Variants in HEBP1 observed in about 807,000 individuals in gnomAD.
HEBP1 encodes heme binding protein 1.
A neutral mutation model predicts 20.4 loss-of-function variants in HEBP1; 13 were observed. That is an observed-to-expected ratio of 0.64 (90% CI 0.42 to 1.01). HEBP1 has a LOEUF of 1.01. Ranked by LOEUF, HEBP1 falls within the 50% of genes least tolerant of loss-of-function variation. HEBP1 has a pLI of 0.00. For synonymous variants in HEBP1, 92 were observed against 90.7 expected, an observed-to-expected ratio of 1.01 and a Z score of -0.08; for missense variants, 241 against 247.3, an observed-to-expected ratio of 0.97 and a Z score of 0.17.
chr12:12,992,586 A>G (rs1337749257), intron 1 of HEBP1, among the ~76,000 whole-genome samples: 1 of 152,298 alleles, frequency 6.6e-6, no homozygotes, highest in East Asian at 1.9e-4. Flanking sequence ...GCGCCAGACC[A>G]GGAATCATGA....
rs1385655318 is a variant in HEBP1, at chr12:12,989,775, G to GAAC, written c.79-361_79-360insGTT. Among the ~76,000 whole-genome samples, 45 of 113,394 alleles carry GAAC rather than the reference G, an allele frequency of 4.0e-4. No individual in the cohort carries two copies. The East Asian group carries it at 0.011, about 29-fold the overall frequency. The allele number at this position is 113,394 out of a possible 152,430, so 74.4% of individuals were successfully genotyped here. ...CAGGTTGGAAGATAAAGTTAAACAG[G>GAAC]AGATTCAGAAAAAAATACAGATAAA... On this transcript the variant is annotated intron_variant, in intron 1 of 3. Transcript: ENST00000014930.
intron 1 of HEBP1, among the ~76,000 whole-genome samples, chr12:12,999,046 C>T (rs1292860846): frequency 1.3e-5 from 2 of 152,228 alleles, no homozygotes; most frequent in South Asian, 4.1e-4. Context: ...GGACACTCCA[C>T]TGAGGTCCCC....
rs1258265580 is a variant in HEBP1 at position 12,975,109 on chromosome 12, T to C, written c.*199A>G. ...TGAGAAGGATGCTGCATATCTTGGC[T>C]GTATTATTTCCTACTGTGAGAAAAG... On this transcript the variant is annotated 3_prime_UTR_variant, in exon 4 of 4. Transcript: ENST00000014930. The C allele has an allele frequency of 1.2e-5, 6 of 497,676 alleles. No individual in the cohort carries two copies. Among genetic ancestry groups the C allele is most frequent in the East Asian group, 1.1e-4 (3 of 26,618 alleles). 30.8% of individuals were successfully genotyped at this position (497,676 alleles called of 1,614,324 possible).
intron 2 of HEBP1, among the ~76,000 whole-genome samples, chr12:12,987,889 G>A (rs1864174351): frequency 6.6e-6 from 1 of 152,074 alleles, no homozygotes; most frequent in Non-Finnish European, 1.5e-5. Context: ...GCCCATCTTG[G>A]CCTCCCAAAG....
chr12:12,997,028 T>A (rs1026251421), intron 1 of HEBP1, among the ~76,000 whole-genome samples: 3 of 152,334 alleles, frequency 2.0e-5, no homozygotes. Context: ...TTACAAAATG[T>A]TTTCATGGTT....
chr12:12,995,081 C>T (rs1864274701), intron 1 of HEBP1, among the ~76,000 whole-genome samples: 1 of 152,174 alleles, frequency 6.6e-6, no homozygotes, highest in African/African-American at 2.4e-5. Flanking sequence ...ATTTCCACGC[C>T]AGGGCCTCTG....
At chr12:12,985,705 T>C (rs890579429) in intron 3 of HEBP1, 3 of 152,018 alleles carry the variant, frequency 2.0e-5, no homozygotes, top group Admixed American at 1.3e-4. Context: ...TCTTAGTAAA[T>C]ACTGAAAGAT....
rs184951219 is a variant in HEBP1 at position 12,988,814 on chromosome 12, A to C, written c.217+463T>G. On this transcript the variant is annotated intron_variant, in intron 2 of 3. Transcript: ENST00000014930. ...TTCTCAGACCCTTCATTTGCCAGAC[A>C]GGGTCTGGAACCTCACTGCTCACTG... Among the ~76,000 whole-genome samples the C allele has an allele frequency of 3.4e-3, 523 of 152,282 alleles. 3 individuals are homozygous for C. Among genetic ancestry groups the C allele is most frequent in the African/African-American group, 0.011 (451 of 41,552 alleles).
At chr12:12,980,964 G>A (rs1864073783) in intron 3 of HEBP1, among the ~76,000 whole-genome samples, 1 of 152,256 alleles carries the variant, frequency 6.6e-6, no homozygotes, top group Admixed American at 6.5e-5. Context: ...TCTGAGCAAA[G>A]ACAGGCGATG....
At chr12:12,999,669 T>C (rs1864330452) in intron 1 of HEBP1, among the ~76,000 whole-genome samples, 1 of 152,266 alleles carries the variant, frequency 6.6e-6, no homozygotes, top group Non-Finnish European at 1.5e-5. Context: ...TGGGAGTTTC[T>C]TGCGACACTC....
Position 12,996,767 on chromosome 12 carries a change from C to T in HEBP1, c.78+3270G>A, listed in dbSNP as rs760184955. Among the ~76,000 whole-genome samples, 43 of 152,116 alleles carry T rather than the reference C, an allele frequency of 2.8e-4. No homozygotes were observed. Among genetic ancestry groups the T allele is most frequent in the Non-Finnish European group, 7.4e-5 (5 of 68,016 alleles). ...CTCACGGGATGTTAAGTAATTTACC[C>T]AAACTTTACTGTAAAACTACAGTAA... On this transcript the variant is annotated intron_variant, in intron 1 of 3. Transcript: ENST00000014930. The surrounding 1 kb of genome is among the most constrained non-coding windows in gnomAD (Gnocchi z 4.1).
At chr12:12,999,984 G>T in intron 1 of HEBP1, 53 bp downstream of exon 1, 1 of 1,288,084 alleles carries the variant, frequency 7.8e-7, no homozygotes, top group Non-Finnish European at 1.1e-6. Context: ...CCCGACGAGG[G>T]TGGGGGTGGG....
intron 1 of HEBP1, among the ~76,000 whole-genome samples, chr12:12,997,810 C>T (rs375125685): frequency 6.6e-6 from 1 of 152,210 alleles, no homozygotes; most frequent in Non-Finnish European, 1.5e-5. Flanking sequence ...CATTCCATGA[C>T]AAAAGCAAGA....
intron 2 of HEBP1, among the ~76,000 whole-genome samples, chr12:12,987,590 T>TCTCTC (rs1592403807): frequency 2.1e-4 from 28 of 133,210 alleles, no homozygotes; most frequent in African/African-American, 4.6e-4. Context: ...ATCAGTCTCT[T>TCTCTC]TCTCTCTCTC....
chr12:12,996,374 C>G lies in HEBP1; in HGVS notation c.78+3663G>C, dbSNP rs1367294068. Among the ~76,000 whole-genome samples, 1 of 152,178 alleles carries G rather than the reference C, an allele frequency of 6.6e-6. No individual in the cohort carries two copies. The highest frequency in any genetic ancestry group is 2.4e-5 in the African/African-American group (1 of 41,432). ...TCTGCTGTGAGCATCCAAAGGCCCACCCAATCCAACACAGAGAGCTGTCTA... is the reference window on the plus strand; with the variant it reads ...TCTGCTGTGAGCATCCAAAGGCCCAGCCAATCCAACACAGAGAGCTGTCTA... On this transcript the variant is annotated intron_variant, in intron 1 of 3. Coordinates refer to ENST00000014930, the MANE Select transcript of HEBP1 (RefSeq NM_015987.5). This position sits in a 1 kb window ranked among gnomAD's most constrained non-coding sequence, Gnocchi z 4.1.
intron 3 of HEBP1, among the ~76,000 whole-genome samples, chr12:12,982,016 T>A (rs556042314): frequency 6.6e-6 from 1 of 152,246 alleles, no homozygotes; most frequent in East Asian, 1.9e-4. Flanking sequence ...AGAGACGGGG[T>A]CTCATTATGT....
intron 3 of HEBP1, among the ~76,000 whole-genome samples, chr12:12,981,299 T>C (rs562110465): frequency 6.6e-6 from 1 of 152,280 alleles, no homozygotes; most frequent in African/African-American, 2.4e-5. Flanking sequence ...TGGGAGATAC[T>C]TGAGGTGGTG....
Position 12,975,134 on chromosome 12 carries a change from G to C in HEBP1, c.*174C>G, listed in dbSNP as rs1863960354. ...TGTATTATTTCCTACTGTGAGAAAA[G>C]AGACTTAGTATATGGAACATGCTTT... On this transcript the variant is annotated 3_prime_UTR_variant, in exon 4 of 4. Transcript: ENST00000014930. 1.8e-6 allele frequency: 1 copy of C among 558,752 alleles called. No homozygotes were observed. Among genetic ancestry groups the C allele is most frequent in the African/African-American group, 2.0e-5 (1 of 50,740 alleles). The allele number at this position is 558,752 out of a possible 1,614,324, so 34.6% of individuals were successfully genotyped here.
At chr12:12,988,909 T>C (rs1023721291) in intron 2 of HEBP1, among the ~76,000 whole-genome samples, 1 of 152,178 alleles carries the variant, frequency 6.6e-6, no homozygotes, top group Admixed American at 6.5e-5. Flanking sequence ...GATGCTGGCC[T>C]TGCGTTGTGC....
Sources: allele counts gnomAD v4.1 joint callset (sites outside exome capture counted in the v4.1 genomes callset), GRCh38; gene constraint gnomAD v4.1.1; non-coding constraint Gnocchi (gnomAD v3.1); transcripts MANE v1.5; gene names NCBI Gene and HGNC (gene_info 2026-07-23, HGNC 2026-07-21).